STK3: variants seen among roughly 807,000 people sequenced by gnomAD.
The protein encoded by STK3 is serine/threonine-protein kinase 3.
Under a neutral mutation model 58.0 loss-of-function variants are expected in STK3, and 41 were observed. That is an observed-to-expected ratio of 0.71 (90% CI 0.55 to 0.92). The LOEUF (loss-of-function observed/expected upper bound fraction) is 0.92, where lower values mean the gene tolerates loss of function less well. Among genes scored for constraint, STK3 ranks in the 40% least tolerant of loss-of-function variants. The probability of loss-of-function intolerance (pLI) is 0.00; values close to 1 mark genes in which losing one functional copy is unlikely to be tolerated. For missense variants in STK3, 479 were observed against 602.7 expected (o/e 0.79, Z 2.15); for synonymous variants, 170 against 191.0 (o/e 0.89, Z 0.91).
At chr8:98,381,790 C>A (rs1449762204) in intron 1 of STK3, among the ~76,000 whole-genome samples, 1 of 152,188 alleles carries the variant, frequency 6.6e-6, no homozygotes, top group African/African-American at 2.4e-5. Flanking sequence ...GTGCTCCCTG[C>A]CCTCTACCCA....
chr8:98,864,790 C>A (rs1395032184), intron 3 of STK3, among the ~76,000 whole-genome samples: 1 of 152,178 alleles, frequency 6.6e-6, no homozygotes, highest in East Asian at 1.9e-4. Flanking sequence ...AACATAAGGG[C>A]CCAAGGCTAA....
chr8:98,632,961 A>T (rs1819367716), intron 6 of STK3, among the ~76,000 whole-genome samples: 1 of 152,224 alleles, frequency 6.6e-6, no homozygotes, highest in Admixed American at 6.5e-5. Flanking sequence ...TAAATGTATT[A>T]ATCATTTATT....
chr8:98,707,370 A>C, intron 4 of STK3, 59 bp from the exon 5 acceptor site: 2 of 1,258,752 alleles, frequency 1.6e-6, no homozygotes, highest in Non-Finnish European at 2.2e-6. Context: ...AAATCTTACG[A>C]AAGAGCACTA....
chr8:98,637,116 C>G (rs574743508), intron 6 of STK3, among the ~76,000 whole-genome samples: 1 of 148,516 alleles, frequency 6.7e-6, no homozygotes, highest in South Asian at 2.1e-4. Flanking sequence ...AAAATGAAAA[C>G]CAATGTTTTT....
At chr8:98,503,255 T>G (rs1823772723) in intron 10 of STK3, among the ~76,000 whole-genome samples, 1 of 152,060 alleles carries the variant, frequency 6.6e-6, no homozygotes, top group African/African-American at 2.4e-5. Flanking sequence ...TGGTGATATC[T>G]CCTTTATCAT....
chr8:98,521,075 C>T (rs544841878), intron 10 of STK3, among the ~76,000 whole-genome samples: 12 of 152,238 alleles, frequency 7.9e-5, no homozygotes, highest in East Asian at 3.9e-4. Flanking sequence ...CGCTCAGTGG[C>T]GATTACAAAC....
In STK3 at chr8:98,594,612, AAAT is replaced by A. The variant is rs549135942; in HGVS notation, c.822+1417_822+1419del. The stretch of plus-strand genomic sequence containing the variant: ...TACCATCTCAAAAAAATAAAAAATA[AAAT>A]AAAATATATACACACACATATAATA... On this transcript the variant is annotated intron_variant, in intron 7 of 10. Transcript: ENST00000419617. Among the ~76,000 whole-genome samples, 830 of 152,246 alleles carry A rather than the reference AAAT, an allele frequency of 5.5e-3. 9 individuals carry two copies. Among genetic ancestry groups the A allele is most frequent in the African/African-American group, 0.019 (801 of 41,538 alleles).
chr8:98,470,228 C>T (rs1423695772), intron 10 of STK3, among the ~76,000 whole-genome samples: 1 of 152,204 alleles, frequency 6.6e-6, no homozygotes, highest in East Asian at 1.9e-4. Context: ...CACAACACTG[C>T]CCATTTCTGG....
chr8:98,858,619 C>T (rs1049226195), intron 3 of STK3, among the ~76,000 whole-genome samples: 1 of 151,356 alleles, frequency 6.6e-6, no homozygotes, highest in African/African-American at 2.4e-5. Flanking sequence ...CTGGGCCAGG[C>T]GCCGTGACTC....
At chr8:98,572,854 T>C (rs1813070389) in intron 8 of STK3, among the ~76,000 whole-genome samples, 1 of 152,210 alleles carries the variant, frequency 6.6e-6, no homozygotes, top group Non-Finnish European at 1.5e-5. Context: ...TTTTTTCTTA[T>C]AATTTCAGTA....
chr8:98,432,475 C>T (rs1818350618), intron 3 of STK3: 1 of 167,062 alleles, frequency 6.0e-6, no homozygotes, highest in Non-Finnish European at 1.5e-5. Context: ...TCTGCCAAAC[C>T]CCCACATTTC....
chr8:98,939,347 T>C (rs1840311234), intron 1 of STK3, among the ~76,000 whole-genome samples: 1 of 151,454 alleles, frequency 6.6e-6, no homozygotes, highest in Non-Finnish European at 1.5e-5. Flanking sequence ...CTGGAGGGCT[T>C]GCTCAAACAC....
Position 98,387,872 on chromosome 8 carries a change from C to CTTTTTTTTTTTT in STK3, n.56+319_56+320insAAAAAAAAAAAA, listed in dbSNP as rs1178928185. On this transcript the variant is annotated intron_variant and non_coding_transcript_variant, in intron 1 of 2. Transcript: ENST00000518704. ...GAAACCAGAGCTCTTTGTAAAATGC[C>CTTTTTTTTTTTT]CTTTTTTTTTTTTTTTTGTCAGATA... is the stretch of plus-strand genomic sequence containing the variant. Among the ~76,000 whole-genome samples the CTTTTTTTTTTTT allele has an allele frequency of 9.7e-5, 14 of 144,728 alleles. 1 individual carries two copies. Among genetic ancestry groups the CTTTTTTTTTTTT allele is most frequent in the African/African-American group, 3.6e-4 (13 of 35,746 alleles). The allele number at this position is 144,728 out of a possible 152,430, so 94.9% of individuals were successfully genotyped here. A position where few individuals can be genotyped will look rare whatever the true frequency, so the allele number is the denominator to read the frequency against.
At chr8:98,374,652 A>G (rs1817653991) in intron 2 of STK3, among the ~76,000 whole-genome samples, 1 of 152,216 alleles carries the variant, frequency 6.6e-6, no homozygotes, top group African/African-American at 2.4e-5. Context: ...TGTGAAAAAC[A>G]TCAGCTAAAA....
At chr8:98,512,513 G>A (rs560531675) in intron 10 of STK3, among the ~76,000 whole-genome samples, 1 of 152,236 alleles carries the variant, frequency 6.6e-6, no homozygotes, top group Non-Finnish European at 1.5e-5. Context: ...TGCCACATGT[G>A]AGCAGTATGC....
At chr8:98,355,226 G>A in the STK3 span, among the ~76,000 whole-genome samples, 7 of 152,108 alleles carry the variant, frequency 4.6e-5, no homozygotes, top group South Asian at 4.2e-4. Context: ...CTGGTATTAC[G>A]TGTCTGTGTG....
intron 8 of STK3, among the ~76,000 whole-genome samples, chr8:98,569,208 T>C (rs1812754446): frequency 1.3e-5 from 2 of 151,986 alleles, no homozygotes; most frequent in African/African-American, 4.8e-5. Flanking sequence ...CAATTAAGGG[T>C]AAATGTACAA....
At chr8:98,463,836 G>A (rs1586623959) in intron 10 of STK3, among the ~76,000 whole-genome samples, 1 of 152,106 alleles carries the variant, frequency 6.6e-6, no homozygotes, top group South Asian at 2.1e-4. Flanking sequence ...TGAAGGTTTT[G>A]AATACATCAA....
At chr8:98,636,340 T>C (rs1819617452) in intron 6 of STK3, among the ~76,000 whole-genome samples, 1 of 152,172 alleles carries the variant, frequency 6.6e-6, no homozygotes, top group Non-Finnish European at 1.5e-5. Flanking sequence ...ACTATTTAGA[T>C]ACTAGATTTT....
Sources: allele counts gnomAD v4.1 joint callset (sites outside exome capture counted in the v4.1 genomes callset), GRCh38; gene constraint gnomAD v4.1.1; transcripts MANE v1.5; gene names NCBI Gene and HGNC (gene_info 2026-07-23, HGNC 2026-07-21).